SOX6: variants seen among roughly 807,000 people sequenced by gnomAD.
SOX6 encodes the protein SRY-box transcription factor 6.
In SOX6, 11 loss-of-function variants were observed where a neutral mutation model predicts 97.8. The ratio of observed to expected loss-of-function variants is 0.11; its 90% CI spans 0.07 to 0.19. The LOEUF (loss-of-function observed/expected upper bound fraction) is 0.19. Ranked by LOEUF, SOX6 falls within the 10% of genes least tolerant of loss-of-function variation. The pLI is 1.00. For missense variants in SOX6, 810 were observed against 1,039.5 expected, an observed-to-expected ratio of 0.78 and a Z score of 3.04; for synonymous variants, 360 against 371.4, an observed-to-expected ratio of 0.97 and a Z score of 0.35.
intron 10 of SOX6, 132 bp downstream of exon 10, chr11:16,055,620 A>C (rs1328711029): frequency 9.6e-7 from 1 of 1,040,074 alleles, no homozygotes. Context: ...AATTTACCAT[A>C]AAGAGGGACA....
intron 12 of SOX6, among the ~76,000 whole-genome samples, chr11:16,040,737 G>A (rs1352548976): frequency 6.6e-6 from 1 of 152,024 alleles, no homozygotes; most frequent in Non-Finnish European, 1.5e-5. Context: ...GGGAACAAAT[G>A]AGATGATGGA....
intron 3 of SOX6, among the ~76,000 whole-genome samples, chr11:16,240,376 A>G (rs909258967): frequency 2.0e-5 from 3 of 151,312 alleles, no homozygotes; most frequent in Admixed American, 6.6e-5. Context: ...TGGAATGCTC[A>G]TAAGGAAGAA....
intron 3 of SOX6, among the ~76,000 whole-genome samples, chr11:16,694,304 G>C (rs1590054888): frequency 6.6e-6 from 1 of 152,332 alleles, no homozygotes; most frequent in South Asian, 2.1e-4. Flanking sequence ...ATGACAGGAG[G>C]ATGGTTTGAG....
At chr11:16,241,724 G>A (rs1354309566) in intron 3 of SOX6, among the ~76,000 whole-genome samples, 3 of 151,892 alleles carry the variant, frequency 2.0e-5, no homozygotes, top group Admixed American at 1.3e-4. Flanking sequence ...ACTATCTAAA[G>A]GCTCTCTCAT....
intron 1 of SOX6, among the ~76,000 whole-genome samples, chr11:16,427,005 C>T (rs1309759427): frequency 6.6e-6 from 1 of 151,094 alleles, no homozygotes; most frequent in Non-Finnish European, 1.5e-5. Context: ...AGGTAAAACC[C>T]AAAATTATAG....
chr11:16,341,685 T>G (rs879393158), intron 1 of SOX6, among the ~76,000 whole-genome samples: 11 of 152,078 alleles, frequency 7.2e-5, no homozygotes, highest in Non-Finnish European at 1.5e-4. Flanking sequence ...TTATCCAACT[T>G]TCTCCTATGG....
At chr11:16,017,395 GT>G (rs1454971809) in intron 12 of SOX6, among the ~76,000 whole-genome samples, 4 of 152,166 alleles carry the variant, frequency 2.6e-5, no homozygotes, top group Non-Finnish European at 2.9e-5. Flanking sequence ...GATAGAAATT[GT>G]TTTGGGCAGT....
At chr11:16,234,307 T>A (rs955337803) in intron 4 of SOX6, among the ~76,000 whole-genome samples, 2 of 152,172 alleles carry the variant, frequency 1.3e-5, no homozygotes, top group Non-Finnish European at 2.9e-5. Flanking sequence ...TCTTTTAACA[T>A]AAGGTTTTTA....
At chr11:16,032,199 C>T (rs1226943158) in intron 12 of SOX6, among the ~76,000 whole-genome samples, 1 of 152,028 alleles carries the variant, frequency 6.6e-6, no homozygotes, top group Non-Finnish European at 1.5e-5. Context: ...CTTCAAGTTA[C>T]CAATAATGGT....
chr11:16,592,852 T>G (rs1483037818), intron 4 of SOX6, among the ~76,000 whole-genome samples: 1 of 152,158 alleles, frequency 6.6e-6, no homozygotes, highest in African/African-American at 2.4e-5. Context: ...AGAGTTCCCC[T>G]TTATTCTAGG....
At chr11:16,033,668 C>T (rs796241400) in intron 12 of SOX6, among the ~76,000 whole-genome samples, 16 of 152,142 alleles carry the variant, frequency 1.1e-4, no homozygotes, top group African/African-American at 3.6e-4. Context: ...GTCAGGAGTT[C>T]GAGATGAGCC....
At chr11:16,256,461 T>A (rs1343971706) in intron 3 of SOX6, among the ~76,000 whole-genome samples, 2 of 151,922 alleles carry the variant, frequency 1.3e-5, no homozygotes, top group African/African-American at 4.8e-5. Context: ...AATCATATGA[T>A]CATATTGATC....
chr11:15,979,808 T>C (rs11023809), intron 15 of SOX6, among the ~76,000 whole-genome samples: 64,589 of 151,826 alleles, frequency 0.43, 13,945 homozygotes, highest in African/African-American at 0.46. Context: ...TTTCCATGAC[T>C]GCCCTATTTA....
chr11:16,716,888 C>A (rs116095162), intron 2 of SOX6, among the ~76,000 whole-genome samples: 1 of 152,032 alleles, frequency 6.6e-6, no homozygotes, highest in African/African-American at 2.4e-5. Context: ...AGGATAGTTA[C>A]CTTTGAGGGG....
chr11:16,341,182 C>G lies in SOX6; in HGVS notation c.67G>C (p.Asp23His), dbSNP rs748308456. 6.2e-7 allele frequency: 1 copy of G among 1,613,360 alleles called. No homozygotes were observed. Among genetic ancestry groups the G allele is most frequent in the African/African-American group, 1.3e-5 (1 of 74,844 alleles). ...TCTTCCTTTTCCCTTGAGGTTAAAT[C>G]CTGGGTCATTGCATCCTCTCCATCA... ...AADGEDAMTQ[D>H]LTSREKEEGS... is the part of the protein sequence containing the mutation. Residue 23 changes from aspartate (D) to histidine (H), a missense_variant, in exon 2 of 16, where the codon GAT becomes CAT. Transcript: ENST00000683767.
At chr11:16,350,009 T>G (rs1856895659) in intron 1 of SOX6, among the ~76,000 whole-genome samples, 1 of 152,182 alleles carries the variant, frequency 6.6e-6, no homozygotes, top group African/African-American at 2.4e-5. Flanking sequence ...TTATGATCAT[T>G]TAACACAAAA....
At chr11:16,372,824 T>C (rs1857526869) in intron 1 of SOX6, among the ~76,000 whole-genome samples, 1 of 152,094 alleles carries the variant, frequency 6.6e-6, no homozygotes, top group Non-Finnish European at 1.5e-5. Flanking sequence ...AACTGAAAGA[T>C]CCTTAGAAAA....
At chr11:16,465,350 C>T (rs1860009391) in intron 1 of SOX6, among the ~76,000 whole-genome samples, 1 of 152,114 alleles carries the variant, frequency 6.6e-6, no homozygotes, top group Non-Finnish European at 1.5e-5. Flanking sequence ...GCCAGCTGTC[C>T]AATGAGCATA....
At chr11:16,000,981 C>A (rs189035495) in intron 13 of SOX6, among the ~76,000 whole-genome samples, 1 of 152,100 alleles carries the variant, frequency 6.6e-6, no homozygotes, top group Admixed American at 6.5e-5. Context: ...CTCAGCCTCC[C>A]GAGTAACTGG....
Sources: gnomAD v4.1 joint callset for allele counts (sites outside exome capture counted in the v4.1 genomes callset) on GRCh38, gnomAD v4.1.1 for gene constraint, MANE v1.5 for transcripts, NCBI Gene and HGNC (gene_info 2026-07-23, HGNC 2026-07-21) for gene names.